Variants in SEC23B observed in about 807,000 individuals in gnomAD.
The protein encoded by SEC23B is SEC23 homolog B, COPII component.
A neutral mutation model predicts 104.3 loss-of-function variants in SEC23B; 77 were observed. The observed-to-expected ratio is 0.74, with a 90% CI of 0.61 to 0.89. SEC23B has a LOEUF of 0.89. Among genes scored for constraint, SEC23B ranks in the 40% least tolerant of loss-of-function variants. The pLI is 0.00. For missense variants in SEC23B, 885 were observed against 949.4 expected, an observed-to-expected ratio of 0.93 and a Z score of 0.89; for synonymous variants, 338 against 332.5, an observed-to-expected ratio of 1.02 and a Z score of -0.18.
rs2060304609 is a variant in SEC23B, at chr20:18,543,171, T to G, written c.1664T>G (p.Leu555Arg). The G allele has an allele frequency of 6.2e-7, 1 of 1,614,218 alleles. No individual in the cohort carries two copies. The highest frequency in any genetic ancestry group is 8.5e-7 in the Non-Finnish European group (1 of 1,180,038). ...LRWLDRQLIR[L>R]CQKFGQYNKE... ...TGGCTGGACCGACAACTCATCCGAC[T>G]GGTAAATTGGGGACAGTGGCATTAG... Residue 555 changes from leucine to arginine, a missense_variant and splice_region_variant, in exon 14 of 20, where the codon CTG becomes CGG. By Grantham distance (102) the Leu-to-Arg change is moderately radical (BLOSUM62 -2). Transcript: ENST00000650089.
In SEC23B at chr20:18,526,387, C is replaced by T. The variant is rs543300931; in HGVS notation, c.849C>T (p.Asn283=). Residue 283 remains asparagine, a synonymous_variant, in exon 8 of 20, where the codon AAC becomes AAT. Coordinates refer to ENST00000650089, the MANE Select transcript of SEC23B (RefSeq NM_006363.6). The stretch of plus-strand genomic sequence containing the variant: ...CGCTATTTTAGGGCACTTTTCCAAA[C>T]ACAGGAGCCAGGATCATGCTGTTTA... The part of the protein sequence containing the change: ...AVGLLEGTFP[N]TGARIMLFTG... 2.2e-5 allele frequency: 35 copies of T among 1,614,000 alleles called. No homozygotes were observed. The highest frequency in any genetic ancestry group is 1.1e-5 in the Non-Finnish European group (13 of 1,179,970).
intron 1 of SEC23B, among the ~76,000 whole-genome samples, chr20:18,508,985 T>A (rs570883977): frequency 2.1e-4 from 32 of 152,254 alleles, no homozygotes; most frequent in Middle Eastern, 6.8e-3. Context: ...TCGCCCAAAG[T>A]GCTGGGATTA....
At chr20:18,555,014 A>G (rs1006719274) in intron 18 of SEC23B, 94 bp from the exon 19 acceptor site, 4 of 1,117,694 alleles carry the variant, frequency 3.6e-6, no homozygotes, top group African/African-American at 1.5e-5. Context: ...AATTTAACCA[A>G]ACAAATGTTG....
At position 18,550,680 on chromosome 20, in the gene SEC23B, T is replaced by C. The variant is rs147513989; in HGVS notation, c.1906-409T>C. 2.6e-5 allele frequency among the ~76,000 whole-genome samples: 4 copies of C among 152,172 alleles called. No homozygotes were observed. In the East Asian group the frequency reaches 7.7e-4, roughly 29 times the overall value. On this transcript the variant is annotated intron_variant, in intron 16 of 19. Transcript: ENST00000650089. ...GTCTTTACAAAAAATAAAAAATTAG[T>C]TGGGCGTGGTGGCATGCACCTGTAG... is the stretch of plus-strand genomic sequence containing the variant.
At chr20:18,524,360 C>T (rs902671467) in intron 4 of SEC23B, 73 bp from the exon 5 acceptor site, 10 of 1,060,026 alleles carry the variant, frequency 9.4e-6, no homozygotes, top group Non-Finnish European at 1.5e-5. Context: ...ATTTTCATAC[C>T]TAATTTGCCT....
intron 11 of SEC23B, 132 bp from the exon 12 acceptor site, chr20:18,535,521 T>C (rs986005929): frequency 7.3e-6 from 5 of 687,678 alleles, no homozygotes; most frequent in Middle Eastern, 2.4e-4. Flanking sequence ...AAGGTTTTAT[T>C]TCAACTTAAA....
intron 12 of SEC23B, among the ~76,000 whole-genome samples, chr20:18,539,645 CTTT>C (rs1165634030): frequency 2.3e-5 from 3 of 131,438 alleles, no homozygotes; most frequent in Non-Finnish European, 1.6e-5. Context: ...CCAGGATCCA[CTTT>C]TTTTTTTTTT....
chr20:18,545,831 T>G, intron 14 of SEC23B, 125 bp from the exon 15 acceptor site: 1 of 731,330 alleles, frequency 1.4e-6, no homozygotes, highest in South Asian at 1.4e-5. Context: ...CTAGGACTTA[T>G]AGTAAGTGGC....
At position 18,548,352 on chromosome 20, in the gene SEC23B, C is replaced by T. The variant is rs137922298; in HGVS notation, c.1744-257C>T. Among the ~76,000 whole-genome samples, 147 of 152,306 alleles carry T rather than the reference C, an allele frequency of 9.7e-4. 1 individual carries two copies. In the East Asian group the frequency reaches 0.024, roughly 25 times the overall value. Reference sequence around the variant, plus strand: ...TTAAGCATACCGTTGAGTAGTGTTACGTGTATTCCCATTATTGAGCAACTG... The same window carrying T: ...TTAAGCATACCGTTGAGTAGTGTTATGTGTATTCCCATTATTGAGCAACTG... On this transcript the variant is annotated intron_variant, in intron 15 of 19. Coordinates refer to ENST00000650089, the MANE Select transcript of SEC23B (RefSeq NM_006363.6).
At chr20:18,553,020 A>T (rs2060403151) in intron 17 of SEC23B, among the ~76,000 whole-genome samples, 2 of 152,210 alleles carry the variant, frequency 1.3e-5, no homozygotes, top group Non-Finnish European at 2.9e-5. Flanking sequence ...TCTCACAGAT[A>T]CCGAGGGCCG....
At chr20:18,537,430 G>A (rs565502656) in intron 12 of SEC23B, among the ~76,000 whole-genome samples, 1,781 of 151,872 alleles carry the variant, frequency 0.012, 13 homozygotes, top group Non-Finnish European at 0.018. Context: ...ATGAGTTCAT[G>A]TCCTTTGTAG....
At chr20:18,552,237 T>G (rs2060393360) in intron 17 of SEC23B, among the ~76,000 whole-genome samples, 1 of 152,234 alleles carries the variant, frequency 6.6e-6, no homozygotes, top group South Asian at 2.1e-4. Context: ...CAGGATTCCT[T>G]CAGTAACTTA....
In SEC23B at chr20:18,525,811, T is replaced by C. The variant is rs1165758203; in HGVS notation, c.713T>C (p.Ile238Thr). Residue 238 changes from isoleucine (I) to threonine (T), a missense_variant, in exon 7 of 20, where the codon ATT (isoleucine) becomes ACT (threonine). By Grantham distance (89) the Ile-to-Thr change is moderately conservative. Coordinates refer to ENST00000650089, the MANE Select transcript of SEC23B (RefSeq NM_006363.6). The stretch of plus-strand genomic sequence containing the variant: ...AGATTTCTGCAGCCTGTTCACAAGA[T>C]TGATATGAACCTCACTGATCTTCTT... Reference protein sequence around the residue: ...SSRFLQPVHKIDMNLTDLLGE... With the variant: ...SSRFLQPVHKTDMNLTDLLGE... 2 of 1,614,112 alleles carry C rather than the reference T, an allele frequency of 1.2e-6. No homozygotes were observed. Among genetic ancestry groups the C allele is most frequent in the Non-Finnish European group, 1.7e-6 (2 of 1,180,042 alleles).
At chr20:18,538,375 G>A (rs1349295690) in intron 12 of SEC23B, among the ~76,000 whole-genome samples, 2 of 150,660 alleles carry the variant, frequency 1.3e-5, no homozygotes, top group Non-Finnish European at 2.9e-5. Context: ...TCAGCCTCCC[G>A]AGTAGCTGGG....
intron 19 of SEC23B, among the ~76,000 whole-genome samples, chr20:18,555,395 G>A (rs1426132352): frequency 2.0e-5 from 3 of 151,986 alleles, no homozygotes; most frequent in African/African-American, 4.8e-5. Context: ...ATATACAGCA[G>A]AACATACCAG....
chr20:18,556,363 AG>A (rs2060438688), intron 19 of SEC23B, among the ~76,000 whole-genome samples: 1 of 152,232 alleles, frequency 6.6e-6, no homozygotes, highest in Non-Finnish European at 1.5e-5. Context: ...GGGGATCCAC[AG>A]GAGGTCCTAA....
Position 18,530,787 on chromosome 20 carries a change from C to G in SEC23B, c.1217C>G (p.Ala406Gly). 1 of 1,609,410 alleles carries G rather than the reference C, an allele frequency of 6.2e-7. No homozygotes were observed. The highest frequency in any genetic ancestry group is 8.5e-7 in the Non-Finnish European group (1 of 1,177,896). ...GGAGATTTCCGAATGGCATTTGGTG[C>G]TACTTTGGACGTAAAGGTACGGTAA... The part of the protein sequence containing the change: ...FNGDFRMAFG[A>G]TLDVKTSREL... The change falls in exon 10 of 20, where the codon GCT becomes GGT. Residue 406 changes from alanine (A) to glycine (G), a missense_variant. Transcript: ENST00000650089.
At chr20:18,529,745 A>AG (rs1366878470) in intron 9 of SEC23B, among the ~76,000 whole-genome samples, 4 of 152,366 alleles carry the variant, frequency 2.6e-5, no homozygotes, top group Admixed American at 1.3e-4. Flanking sequence ...GCCATAGGCA[A>AG]GGCAGGCTGG....
chr20:18,527,175 C>T (rs1387295560), intron 8 of SEC23B, among the ~76,000 whole-genome samples: 2 of 152,160 alleles, frequency 1.3e-5, no homozygotes, highest in Non-Finnish European at 2.9e-5. Context: ...TGAGATCGTG[C>T]CACTGCACTC....
Sources: allele counts gnomAD v4.1 joint callset (sites outside exome capture counted in the v4.1 genomes callset), GRCh38; gene constraint gnomAD v4.1.1; transcripts MANE v1.5; gene names NCBI Gene and HGNC (gene_info 2026-07-23, HGNC 2026-07-21).